The following SPRYD3 variants were observed in gnomAD, a reference collection of about 807,000 sequenced individuals.
SPRYD3 encodes SPRY domain containing 3.
In SPRYD3, 17 loss-of-function variants were observed where a neutral mutation model predicts 50.1. That is an observed-to-expected ratio of 0.34 (90% confidence interval 0.23 to 0.51). The LOEUF is 0.51. Among genes scored for constraint, SPRYD3 ranks in the 20% least tolerant of loss-of-function variants. The pLI is 0.97. For missense variants in SPRYD3, 401 were observed against 591.2 expected (o/e 0.68, Z 3.34); for synonymous variants, 198 against 215.5 (o/e 0.92, Z 0.71).
intron 6 of SPRYD3, among the ~76,000 whole-genome samples, chr12:53,071,251 G>T (rs1944547861): frequency 6.6e-6 from 1 of 152,114 alleles, no homozygotes; most frequent in South Asian, 2.1e-4. Flanking sequence ...GGGAGGGCGG[G>T]GCCTCATTCA....
intron 3 of SPRYD3, 51 bp downstream of exon 3, chr12:53,075,685 A>G (rs749605394): frequency 2.8e-6 from 4 of 1,417,374 alleles, no homozygotes; most frequent in Non-Finnish European, 4.0e-6. Context: ...GGGCTTAATG[A>G]TCTCACCCCC....
chr12:53,067,503 C>A, intron 8 of SPRYD3, 145 bp downstream of exon 8: 2 of 706,508 alleles, frequency 2.8e-6, no homozygotes, highest in South Asian at 1.6e-5. Context: ...GAGGAGGAAG[C>A]ACTAGCGATT....
In SPRYD3 at chr12:53,074,808, C is replaced by T. The variant is rs769856210; in HGVS notation, c.372-24G>A. On this transcript the variant is annotated intron_variant, in intron 4 of 10. Transcript: ENST00000301463. The surrounding 1 kb of genome is among the most constrained non-coding windows in gnomAD (Gnocchi z 4.6). ...GCCTACAGACAGAGTAGTACAGACA[C>T]AGGACCCGAGCCTGGCCTCCCAACT... 6 of 1,613,108 alleles carry T rather than the reference C, an allele frequency of 3.7e-6. No homozygotes were observed. Among genetic ancestry groups the T allele is most frequent in the Non-Finnish European group, 5.1e-6 (6 of 1,179,202 alleles).
intron 6 of SPRYD3, among the ~76,000 whole-genome samples, chr12:53,068,634 G>A (rs755047023): frequency 4.6e-5 from 7 of 152,128 alleles, no homozygotes; most frequent in Non-Finnish European, 2.9e-5. Context: ...GAAAAACCCT[G>A]CAGCCTTTCC....
chr12:53,071,471 C>T (rs745625364), intron 6 of SPRYD3, among the ~76,000 whole-genome samples: 10 of 152,106 alleles, frequency 6.6e-5, no homozygotes, highest in African/African-American at 9.7e-5. Flanking sequence ...CCCCTCAGAG[C>T]TCTGAGGAGG....
At chr12:53,078,054 C>A in intron 1 of SPRYD3, 1 of 446,998 alleles carries the variant, frequency 2.2e-6, no homozygotes, top group Non-Finnish European at 4.5e-6. Context: ...GGTGTGGCAG[C>A]ATGCACCTGT....
chr12:53,066,536 C>A, intron 9 of SPRYD3, 37 bp downstream of exon 9: 1 of 1,613,988 alleles, frequency 6.2e-7, no homozygotes, highest in South Asian at 1.1e-5. Context: ...CACCCTCGGC[C>A]CCAAGCAGCC....
At chr12:53,073,165 C>T in intron 6 of SPRYD3, 121 bp downstream of exon 6, 2 of 646,342 alleles carry the variant, frequency 3.1e-6, no homozygotes, top group African/African-American at 1.8e-5. Flanking sequence ...TCTTGCCAAA[C>T]CCCACACGGA....
At chr12:53,075,579 G>A (rs1944582220) in intron 3 of SPRYD3, among the ~76,000 whole-genome samples, 157 bp downstream of exon 3, 1 of 152,060 alleles carries the variant, frequency 6.6e-6, no homozygotes, top group African/African-American at 2.4e-5. Flanking sequence ...CTCAGATGAG[G>A]GGCCATGCTA....
chr12:53,068,370 A>G, intron 6 of SPRYD3, 66 bp from the exon 7 acceptor site: 1 of 1,580,304 alleles, frequency 6.3e-7, no homozygotes, highest in Admixed American at 1.7e-5. Flanking sequence ...ACCTGGGCCC[A>G]AGGCAGTCTG....
intron 6 of SPRYD3, among the ~76,000 whole-genome samples, chr12:53,071,381 C>G (rs1944548557): frequency 6.6e-6 from 1 of 152,192 alleles, no homozygotes. Context: ...GCCCCCAGCT[C>G]CCCTCCACCA....
At position 53,065,476 on chromosome 12, in the gene SPRYD3, G is replaced by A. The variant is rs878878315; in HGVS notation, c.*356C>T. 1.7e-5 allele frequency: 4 copies of A among 228,822 alleles called. No homozygotes were observed. Among genetic ancestry groups the A allele is most frequent in the Admixed American group, 5.2e-5 (1 of 19,118 alleles). The allele number at this position is 228,822 out of a possible 1,614,324, so 14.2% of individuals were successfully genotyped here. A position where few individuals can be genotyped will look rare whatever the true frequency, so the allele number is the denominator to read the frequency against. Reference sequence around the variant, plus strand: ...CTACCCTCTACAAAGCATCATGCCCGAATAGCAGCTGAGATAGGGTGCTCA... The same window carrying A: ...CTACCCTCTACAAAGCATCATGCCCAAATAGCAGCTGAGATAGGGTGCTCA... On this transcript the variant is annotated 3_prime_UTR_variant, in exon 11 of 11. Transcript: ENST00000301463.
chr12:53,079,096 C>T (rs1592267886), intron 1 of SPRYD3, among the ~76,000 whole-genome samples: 1 of 152,206 alleles, frequency 6.6e-6, no homozygotes, highest in African/African-American at 2.4e-5. Flanking sequence ...TGAGATGAGA[C>T]CCGGGAGCAG....
chr12:53,074,927 C>T lies in SPRYD3; in HGVS notation c.372-143G>A. The T allele has an allele frequency of 1.5e-6, 2 of 1,348,582 alleles. No homozygotes were observed. Among genetic ancestry groups the T allele is most frequent in the Non-Finnish European group, 2.1e-6 (2 of 960,038 alleles). 83.5% of individuals were successfully genotyped at this position (1,348,582 alleles called of 1,614,324 possible). A position where few individuals can be genotyped will look rare whatever the true frequency, so the allele number is the denominator to read the frequency against. ...CACTTACGTCCTGGCGTGAGCATCA[C>T]CCTCCTCTAGTCTGTAAGCCTTCAA... is the stretch of plus-strand genomic sequence containing the variant. On this transcript the variant is annotated intron_variant, in intron 4 of 10. Transcript: ENST00000301463. The surrounding 1 kb of genome is among the most constrained non-coding windows in gnomAD (Gnocchi z 4.6).
At chr12:53,067,991 T>C (rs1345548222) in intron 7 of SPRYD3, among the ~76,000 whole-genome samples, 164 bp downstream of exon 7, 1 of 151,922 alleles carries the variant, frequency 6.6e-6, no homozygotes, top group Non-Finnish European at 1.5e-5. Context: ...ATGGGGTGTG[T>C]ACTCTTACAC....
In SPRYD3 at chr12:53,074,941, G is replaced by T; in HGVS notation, c.371+154C>A. 7.4e-7 allele frequency: 1 copy of T among 1,347,786 alleles called. No homozygotes were observed. Among genetic ancestry groups the T allele is most frequent in the Non-Finnish European group, 1.0e-6 (1 of 960,268 alleles). 83.5% of individuals were successfully genotyped at this position (1,347,786 alleles called of 1,614,324 possible). A position where few individuals can be genotyped will look rare whatever the true frequency, so the allele number is the denominator to read the frequency against. On this transcript the variant is annotated intron_variant, in intron 4 of 10. Coordinates refer to ENST00000301463, the MANE Select transcript of SPRYD3 (RefSeq NM_032840.3). The surrounding 1 kb of genome is among the most constrained non-coding windows in gnomAD (Gnocchi z 4.6). ...CGTGAGCATCACCCTCCTCTAGTCT[G>T]TAAGCCTTCAAGGGTGCTGCCAGGC...
rs1438969778 is a variant in SPRYD3, at chr12:53,066,294, C to T, written c.1194+20G>A. On this transcript the variant is annotated intron_variant, in intron 10 of 10. Coordinates refer to ENST00000301463, the MANE Select transcript of SPRYD3 (RefSeq NM_032840.3). The stretch of plus-strand genomic sequence containing the variant: ...CCAGACCCAAAAACCCTGGTCCCAC[C>T]TCAAACTCTCCGTACTCACCACCAC... The T allele has an allele frequency of 3.6e-5, 58 of 1,610,000 alleles. No individual in the cohort carries two copies. Among genetic ancestry groups the T allele is most frequent in the Non-Finnish European group, 4.6e-5 (54 of 1,177,926 alleles).
chr12:53,073,256 G>GCCCCCGGGGGGGGGGGGGCCCCCCC, intron 6 of SPRYD3, 30 bp downstream of exon 6: 4 of 424,132 alleles, frequency 9.4e-6, no homozygotes, highest in Middle Eastern at 4.1e-4. Context: ...CTCCGACCCA[G>GCCCCCGGGGGGGGGGGGGCCCCCCC]CCCCTCCCAC....
At position 53,074,815 on chromosome 12, in the gene SPRYD3, C is replaced by A. The variant is rs374954724; in HGVS notation, c.372-31G>T. On this transcript the variant is annotated intron_variant, in intron 4 of 10. Transcript: ENST00000301463. The surrounding 1 kb of genome is among the most constrained non-coding windows in gnomAD (Gnocchi z 4.6). ...GACAGAGTAGTACAGACACAGGACC[C>A]GAGCCTGGCCTCCCAACTTCTCCCC... 1 of 1,610,892 alleles carries A rather than the reference C, an allele frequency of 6.2e-7. No homozygotes were observed. Among genetic ancestry groups the A allele is most frequent in the Non-Finnish European group, 8.5e-7 (1 of 1,177,488 alleles).
Sources: gnomAD v4.1 joint callset for allele counts (sites outside exome capture counted in the v4.1 genomes callset) on GRCh38, gnomAD v4.1.1 for gene constraint, Gnocchi (gnomAD v3.1) non-coding constraint, MANE v1.5 for transcripts, NCBI Gene and HGNC (gene_info 2026-07-23, HGNC 2026-07-21) for gene names.